Variants in AKAP8L observed in about 807,000 individuals in gnomAD.
The protein encoded by AKAP8L is A-kinase anchoring protein 8 like, also known as A-kinase anchor protein 8-like.
Under a neutral mutation model 77.5 loss-of-function variants are expected in AKAP8L, and 34 were observed. The observed-to-expected ratio is 0.44, with a 90% confidence interval of 0.33 to 0.58. AKAP8L has a LOEUF of 0.58. Ranked by LOEUF, AKAP8L falls within the 20% of genes least tolerant of loss-of-function variation. AKAP8L has a pLI of 0.02. For synonymous variants in AKAP8L, 342 were observed against 340.7 expected (o/e 1.00, Z -0.04); for missense variants, 806 against 887.6 (o/e 0.91, Z 1.17).
chr19:15,408,744 C>CGTG (rs1968051824), intron 2 of AKAP8L, among the ~76,000 whole-genome samples: 2 of 151,172 alleles, frequency 1.3e-5, no homozygotes, highest in South Asian at 2.1e-4. Context: ...ATTAGCCAGG[C>CGTG]GTGGTGGCGG....
At chr19:15,391,620 C>A (rs1317141162) in intron 12 of AKAP8L, among the ~76,000 whole-genome samples, 1 of 150,424 alleles carries the variant, frequency 6.6e-6, no homozygotes, top group African/African-American at 2.5e-5. Flanking sequence ...CTCACTGCAA[C>A]CTCCGCCTCC....
Position 15,403,529 on chromosome 19 carries a change from G to A in AKAP8L, c.308C>T (p.Pro103Leu). The A allele has an allele frequency of 6.2e-7, 1 of 1,613,954 alleles. No individual in the cohort carries two copies. Among genetic ancestry groups the A allele is most frequent in the Non-Finnish European group, 8.5e-7 (1 of 1,179,884 alleles). The change falls in exon 4 of 14, where the codon CCG (proline) becomes CTG (leucine). Residue 103 changes from proline (P) to leucine (L), a missense_variant. Pro to Leu is a moderately conservative substitution (Grantham distance 98). Coordinates refer to ENST00000397410, the MANE Select transcript of AKAP8L (RefSeq NM_014371.4). The surrounding 1 kb of genome is among the most constrained non-coding windows in gnomAD (Gnocchi z 4.3). ...TTGCATCATGTCTGTCTCCAAATGC[G>A]GCACCATATCTAAGCGCTGGTTAAT... ...SRINQRLDMV[P>L]HLETDMMQGG...
chr19:15,394,973 T>A (rs1454229317), intron 12 of AKAP8L, among the ~76,000 whole-genome samples: 1 of 137,546 alleles, frequency 7.3e-6, no homozygotes, highest in South Asian at 2.3e-4. Flanking sequence ...TTTTTTTTTT[T>A]AACTTCTTTT....
At chr19:15,387,946 A>G (rs1967575025) in intron 12 of AKAP8L, among the ~76,000 whole-genome samples, 1 of 151,756 alleles carries the variant, frequency 6.6e-6, no homozygotes, top group Non-Finnish European at 1.5e-5. Flanking sequence ...GCAACAGAGC[A>G]AGACTCTTGT....
At chr19:15,385,076 C>A (rs977556343) in intron 12 of AKAP8L, among the ~76,000 whole-genome samples, 6 of 151,872 alleles carry the variant, frequency 4.0e-5, no homozygotes, top group African/African-American at 1.5e-4. Flanking sequence ...CTCCCGAGTT[C>A]ACGCCATTCT....
chr19:15,400,314 G>T lies in AKAP8L; in HGVS notation c.1029C>A (p.Gly343=). 6.2e-7 allele frequency: 1 copy of T among 1,613,164 alleles called. No individual in the cohort carries two copies. Among genetic ancestry groups the T allele is most frequent in the Non-Finnish European group, 8.5e-7 (1 of 1,179,816 alleles). Residue 343 remains glycine, a synonymous_variant, in exon 8 of 14, where the codon GGC becomes GGA. Transcript: ENST00000397410. ...ACTCACCCTTCTCTGGATCCTCTTT[G>T]CCTTCTTCTCTCCCATCCTCTTTTC... is the stretch of plus-strand genomic sequence containing the variant. ...EEGKEDGREE[G]KEDPEKGALT... is the part of the protein sequence containing the mutation.
chr19:15,380,254 T>G lies in AKAP8L; in HGVS notation c.1809A>C (p.Pro603=), dbSNP rs991318508. The change falls in exon 14 of 14, where the codon CCA becomes CCC. Residue 603 remains proline, a synonymous_variant. Coordinates refer to ENST00000397410, the MANE Select transcript of AKAP8L (RefSeq NM_014371.4). ...PEPAPGAVSP[P]PPPPPEEEEE... ...CCTCCTCCTCTGGGGGCGGCGGCGG[T>G]GGCGGCGACACGGCCCCGGGGGCTG... 1 of 1,497,144 alleles carries G rather than the reference T, an allele frequency of 6.7e-7. No individual in the cohort carries two copies. Among genetic ancestry groups the G allele is most frequent in the South Asian group, 1.3e-5 (1 of 79,338 alleles). The allele number at this position is 1,497,144 out of a possible 1,614,324, so 92.7% of individuals were successfully genotyped here.
rs1967364751 is a variant in AKAP8L, at chr19:15,380,110, C to T, written c.*12G>A. ...CTTCGGCCACGCGGGCTCCGCCCGC[C>T]CCGAGCTCGGGTCACGGGGCGCCCC... On this transcript the variant is annotated 3_prime_UTR_variant, in exon 14 of 14. Transcript: ENST00000397410. The T allele has an allele frequency of 6.8e-7, 1 of 1,472,798 alleles. No homozygotes were observed. Among genetic ancestry groups the T allele is most frequent in the South Asian group, 1.3e-5 (1 of 77,150 alleles). The allele number at this position is 1,472,798 out of a possible 1,614,324, so 91.2% of individuals were successfully genotyped here.
chr19:15,395,223 C>T (rs930603438), intron 12 of AKAP8L, among the ~76,000 whole-genome samples: 2 of 151,966 alleles, frequency 1.3e-5, no homozygotes, highest in East Asian at 1.9e-4. Context: ...TTAGTAGAGA[C>T]GGGTTTCACC....
chr19:15,380,531 C>T lies in AKAP8L; in HGVS notation c.1618G>A (p.Glu540Lys). ...CAGTGCCTCACCTTCAGGTAGCGCT[C>T]CAGCTTCTTGCTGATGAGCTTGTTG... ...LNNKLISKKL[E>K]RYLKGENPFT... Residue 540 changes from glutamate (E) to lysine (K), a missense_variant, in exon 13 of 14, where the codon GAG becomes AAG. By Grantham distance (56) the Glu-to-Lys change is moderately conservative. Transcript: ENST00000397410. 1 of 1,613,922 alleles carries T rather than the reference C, an allele frequency of 6.2e-7. No individual in the cohort carries two copies. The highest frequency in any genetic ancestry group is 8.5e-7 in the Non-Finnish European group (1 of 1,179,894).
At position 15,418,973 on chromosome 19, in the gene AKAP8L, C is replaced by T. The variant is rs1263228900; in HGVS notation, c.-50G>A. ...CGACGCCGGCTTCTGCTGCTCTGAA[C>T]ATCCGACGCTGCGATAGCTGCTGCT... On this transcript the variant is annotated 5_prime_UTR_variant, in exon 1 of 14. An upstream start codon of the reference 5' UTR is lost. Coordinates refer to ENST00000397410, the MANE Select transcript of AKAP8L (RefSeq NM_014371.4). 1.2e-6 allele frequency: 2 copies of T among 1,602,928 alleles called. No homozygotes were observed. Among genetic ancestry groups the T allele is most frequent in the Non-Finnish European group, 1.7e-6 (2 of 1,179,068 alleles).
chr19:15,391,513 TA>T (rs1967659688), intron 12 of AKAP8L, among the ~76,000 whole-genome samples: 2 of 51,332 alleles, frequency 3.9e-5, no homozygotes, highest in African/African-American at 9.3e-5. Context: ...TAATAAACAT[TA>T]TTTTATGTTT....
At chr19:15,392,718 G>A (rs550171292) in intron 12 of AKAP8L, among the ~76,000 whole-genome samples, 11 of 151,368 alleles carry the variant, frequency 7.3e-5, no homozygotes, top group Admixed American at 7.3e-4. Flanking sequence ...CCAACATGGT[G>A]AAACCCTGTC....
chr19:15,403,678 C>CTGGCCA lies in AKAP8L; in HGVS notation c.153_158dup (p.Gly52_Gln53insHisGly), dbSNP rs1171275831. 1.2e-6 allele frequency: 2 copies of CTGGCCA among 1,607,522 alleles called. No individual in the cohort carries two copies. Among genetic ancestry groups the CTGGCCA allele is most frequent in the South Asian group, 1.1e-5 (1 of 90,396 alleles). On this transcript the variant is annotated inframe_insertion, in exon 4 of 14. Coordinates refer to ENST00000397410, the MANE Select transcript of AKAP8L (RefSeq NM_014371.4). The surrounding 1 kb of genome is among the most constrained non-coding windows in gnomAD (Gnocchi z 4.3). Reference sequence around the variant, plus strand: ...CATACCCATAGTTGGTGGTGTTATCCTGGCCATAGCCATAGCCATAGCCAT... The same window carrying CTGGCCA: ...CATACCCATAGTTGGTGGTGTTATCCTGGCCATGGCCATAGCCATAGCCATAGCCAT...
rs1418224893 is a variant in AKAP8L, at chr19:15,391,452, T to C, written c.1536+5698A>G. 1.9e-4 allele frequency among the ~76,000 whole-genome samples: 10 copies of C among 52,196 alleles called. No individual in the cohort carries two copies. In the East Asian group the frequency reaches 0.01, roughly 54 times the overall value. The allele number at this position is 52,196 out of a possible 152,430, so 34.2% of individuals were successfully genotyped here. ...CAGCCAGGGCGACAGAGTGAGACTC[T>C]GTCTCAAAAAAAAAAAAAAAAAAAA... On this transcript the variant is annotated intron_variant, in intron 12 of 13. Transcript: ENST00000397410.
Position 15,398,801 on chromosome 19 carries a change from G to A in AKAP8L, c.1157+501C>T. ...GACAGACCCGACCAAGGGGCGTGAA[G>A]GGCTCAGCCGCAGACAGGCCCGGCC... is the stretch of plus-strand genomic sequence containing the variant. On this transcript the variant is annotated intron_variant, in intron 9 of 13. Transcript: ENST00000397410. This position sits in a 1 kb window ranked among gnomAD's most constrained non-coding sequence, Gnocchi z 9.2. 1.0e-6 allele frequency: 1 copy of A among 1,004,138 alleles called. No homozygotes were observed. Among genetic ancestry groups the A allele is most frequent in the Non-Finnish European group, 1.2e-6 (1 of 841,536 alleles). 62.2% of individuals were successfully genotyped at this position (1,004,138 alleles called of 1,614,324 possible).
At position 15,397,951 on chromosome 19, in the gene AKAP8L, C is replaced by T; in HGVS notation, c.1158-96G>A. On this transcript the variant is annotated intron_variant, in intron 9 of 13. Coordinates refer to ENST00000397410, the MANE Select transcript of AKAP8L (RefSeq NM_014371.4). This position sits in a 1 kb window ranked among gnomAD's most constrained non-coding sequence, Gnocchi z 4.7. Reference sequence around the variant, plus strand: ...CCCAGACACAAGCCCTGAAACAGGCCTTGCTCACGGGCCTCTGAAGTACGG... The same window carrying T: ...CCCAGACACAAGCCCTGAAACAGGCTTTGCTCACGGGCCTCTGAAGTACGG... 1 of 1,485,390 alleles carries T rather than the reference C, an allele frequency of 6.7e-7. No homozygotes were observed. Among genetic ancestry groups the T allele is most frequent in the Non-Finnish European group, 9.1e-7 (1 of 1,099,238 alleles). The allele number at this position is 1,485,390 out of a possible 1,614,324, so 92.0% of individuals were successfully genotyped here.
intron 12 of AKAP8L, among the ~76,000 whole-genome samples, chr19:15,388,643 C>T (rs1022412752): frequency 2.0e-5 from 3 of 152,130 alleles, no homozygotes; most frequent in East Asian, 3.9e-4. Flanking sequence ...GGGCCGGGTG[C>T]GGTGGCTCAC....
intron 12 of AKAP8L, among the ~76,000 whole-genome samples, chr19:15,387,908 A>G (rs1038230661): frequency 2.0e-5 from 3 of 151,954 alleles, no homozygotes; most frequent in Non-Finnish European, 4.4e-5. Flanking sequence ...GCAGCAAGCC[A>G]AGATCGCGCC....
Sources: allele counts gnomAD v4.1 joint callset (sites outside exome capture counted in the v4.1 genomes callset), GRCh38; gene constraint gnomAD v4.1.1; non-coding constraint Gnocchi (gnomAD v3.1); transcripts MANE v1.5; gene names NCBI Gene and HGNC (gene_info 2026-07-23, HGNC 2026-07-21).